Variants in ACACA observed in about 807,000 individuals in gnomAD.
The protein encoded by ACACA is acetyl-CoA carboxylase alpha.
ACACA carries 103 observed loss-of-function variants against 296.1 expected under a neutral mutation model. The ratio of observed to expected loss-of-function variants is 0.35; its 90% CI spans 0.30 to 0.41. ACACA has a LOEUF of 0.41. ACACA is among the 10% of genes least tolerant of loss of function. The probability of loss-of-function intolerance (pLI) is 1.00; values close to 1 mark genes in which losing one functional copy is unlikely to be tolerated. For synonymous variants in ACACA, 953 were observed against 1,038.6 expected (o/e 0.92, Z 1.58); for missense variants, 1,554 against 2,989.7 (o/e 0.52, Z 11.20).
intron 1 of ACACA, among the ~76,000 whole-genome samples, chr17:37,367,259 C>G (rs1597720004): frequency 6.7e-6 from 1 of 148,796 alleles, no homozygotes; most frequent in Admixed American, 6.7e-5. Flanking sequence ...ATAAAGACAA[C>G]AAAAAATCCA....
At chr17:37,359,942 G>A (rs75342734) in intron 1 of ACACA, among the ~76,000 whole-genome samples, 1 of 152,090 alleles carries the variant, frequency 6.6e-6, no homozygotes, top group East Asian at 1.9e-4. Context: ...AAGAACCACC[G>A]TCTTCTGCCT....
At chr17:37,126,822 T>A (rs1203950331) in intron 47 of ACACA, among the ~76,000 whole-genome samples, 1 of 152,226 alleles carries the variant, frequency 6.6e-6, no homozygotes, top group Non-Finnish European at 1.5e-5. Context: ...TATCTCTCCA[T>A]CCGTGAGCCC....
In ACACA at chr17:37,244,686, T is replaced by C. The variant is rs764724711; in HGVS notation, c.2644A>G (p.Arg882Gly). The C allele has an allele frequency of 3.1e-6, 5 of 1,614,082 alleles. No individual in the cohort carries two copies. The highest frequency in any genetic ancestry group is 4.2e-6 in the Non-Finnish European group (5 of 1,180,034). ...AACACTCGATGGAGTTTCTCGCCTC[T>C]GAGTGCCGTGCTCTGGATCCGTGGC... ...SLPRIQSTAL[R>G]GEKLHRVFHY... Residue 882 changes from arginine to glycine, a missense_variant, in exon 21 of 56, where the codon AGA becomes GGA. Transcript: ENST00000616317.
intron 39 of ACACA, among the ~76,000 whole-genome samples, chr17:37,186,312 A>G (rs549814909): frequency 6.6e-6 from 1 of 152,368 alleles, no homozygotes; most frequent in African/African-American, 2.4e-5. Flanking sequence ...TATTTATAAT[A>G]GCACATATTT....
At chr17:37,218,147 C>A (rs1443467257) in intron 29 of ACACA, among the ~76,000 whole-genome samples, 1,076 of 116,280 alleles carry the variant, frequency 9.3e-3, no homozygotes, top group Non-Finnish European at 0.012. Flanking sequence ...CTACCAGTAA[C>A]AAAAAAAAAA....
At chr17:37,368,024 A>G (rs1313027941) in intron 1 of ACACA, among the ~76,000 whole-genome samples, 1 of 152,202 alleles carries the variant, frequency 6.6e-6, no homozygotes, top group African/African-American at 2.4e-5. Context: ...CCGAGATCAC[A>G]CCACTGCACT....
At chr17:37,365,657 A>T (rs1333626739) in intron 1 of ACACA, 1 of 985,306 alleles carries the variant, frequency 1.0e-6, no homozygotes, top group Non-Finnish European at 1.2e-6. Flanking sequence ...GCTCTTGTTA[A>T]TCACTCCAGT....
At chr17:37,173,472 T>C (rs1020090396) in intron 41 of ACACA, among the ~76,000 whole-genome samples, 12 of 152,112 alleles carry the variant, frequency 7.9e-5, no homozygotes, top group African/African-American at 2.7e-4. Context: ...TCCTAAATTG[T>C]TTTTTTGATA....
chr17:37,261,601 G>C (rs2081517431), intron 11 of ACACA, among the ~76,000 whole-genome samples: 1 of 152,208 alleles, frequency 6.6e-6, no homozygotes, highest in Non-Finnish European at 1.5e-5. Context: ...AACTCACAGA[G>C]AAAACTGAAT....
At chr17:37,366,470 T>C (rs1025518706) in intron 1 of ACACA, among the ~76,000 whole-genome samples, 7 of 144,566 alleles carry the variant, frequency 4.8e-5, no homozygotes, top group Admixed American at 3.8e-4. Flanking sequence ...CAATGTCATG[T>C]CTTTTTTTTT....
intron 52 of ACACA, among the ~76,000 whole-genome samples, chr17:37,110,283 C>T (rs952524063): frequency 6.6e-6 from 1 of 152,184 alleles, no homozygotes; most frequent in Non-Finnish European, 1.5e-5. Context: ...TCTCTATGAA[C>T]AGTTGTAAGT....
chr17:37,140,957 G>T (rs2075547713), intron 45 of ACACA: 1 of 350,684 alleles, frequency 2.9e-6, no homozygotes, highest in South Asian at 2.5e-5. Context: ...GGAATGGTGT[G>T]GGCCTTCTTC....
chr17:37,316,334 C>CA, intron 3 of ACACA, among the ~76,000 whole-genome samples: 1 of 145,710 alleles, frequency 6.9e-6, no homozygotes, highest in Non-Finnish European at 1.5e-5. Context: ...CACACACACA[C>CA]CCCTAACTTT....
intron 1 of ACACA, among the ~76,000 whole-genome samples, chr17:37,393,831 A>AG (rs1335706199): frequency 6.6e-6 from 1 of 152,098 alleles, no homozygotes; most frequent in Non-Finnish European, 1.5e-5. Context: ...AAAAAAAAAA[A>AG]AGAGTATAAT....
At chr17:37,195,019 T>A (rs533250864) in intron 35 of ACACA, among the ~76,000 whole-genome samples, 26 of 151,804 alleles carry the variant, frequency 1.7e-4, no homozygotes, top group Non-Finnish European at 3.8e-4. Context: ...TCGATAAATA[T>A]CATGCTCATG....
At chr17:37,252,820 A>G (rs2252757) in intron 15 of ACACA, 66 bp downstream of exon 15, 329,447 of 1,584,754 alleles carry the variant, frequency 0.21, 37,449 homozygotes, top group Admixed American at 0.43. Context: ...TCATGTAGTG[A>G]CAGGGATTGA....
chr17:37,174,594 G>A (rs920096053), intron 41 of ACACA, among the ~76,000 whole-genome samples: 2 of 151,692 alleles, frequency 1.3e-5, no homozygotes, highest in African/African-American at 4.8e-5. Flanking sequence ...GTGCAGTGGC[G>A]CGATCTCGGC....
At chr17:37,096,318 C>G (rs1459526116) in intron 54 of ACACA, among the ~76,000 whole-genome samples, 4 of 152,228 alleles carry the variant, frequency 2.6e-5, no homozygotes, top group African/African-American at 9.6e-5. Context: ...GCCCCTGCCC[C>G]TTCTTCCTAC....
At chr17:37,403,128 A>G (rs1249276399) in intron 1 of ACACA, among the ~76,000 whole-genome samples, 1 of 152,228 alleles carries the variant, frequency 6.6e-6, no homozygotes, top group Non-Finnish European at 1.5e-5. Flanking sequence ...ACAGTTATAC[A>G]GTTTTAGTTC....
Sources: gnomAD v4.1 joint callset for allele counts (sites outside exome capture counted in the v4.1 genomes callset) on GRCh38, gnomAD v4.1.1 for gene constraint, MANE v1.5 for transcripts, NCBI Gene and HGNC (gene_info 2026-07-23, HGNC 2026-07-21) for gene names.